CDH13: variants seen among roughly 807,000 people sequenced by gnomAD.
CDH13 encodes the protein cadherin-13.
Under a neutral mutation model 63.8 loss-of-function variants are expected in CDH13, and 24 were observed. The observed-to-expected ratio is 0.38, with a 90% CI of 0.27 to 0.53. CDH13 has a LOEUF of 0.53. Among genes scored for constraint, CDH13 ranks in the 20% least tolerant of loss-of-function variants. CDH13 has a pLI of 0.85. For missense variants in CDH13, 1,049 were observed against 903.1 expected (o/e 1.16, Z -2.07); for synonymous variants, 503 against 355.3 (o/e 1.42, Z -4.67).
intron 1 of CDH13, among the ~76,000 whole-genome samples, chr16:82,848,902 A>C (rs796149355): frequency 6.6e-6 from 1 of 152,228 alleles, no homozygotes; most frequent in African/African-American, 2.4e-5. Flanking sequence ...TTCTTGTGCC[A>C]AAGAGTAAAG....
chr16:83,236,846 G>A (rs1171018674), intron 5 of CDH13, among the ~76,000 whole-genome samples: 4 of 152,134 alleles, frequency 2.6e-5, no homozygotes, highest in Non-Finnish European at 4.4e-5. Flanking sequence ...ATAGGTCTGG[G>A]TTTCCCTTTG....
At chr16:83,356,305 G>A (rs2091055782) in intron 6 of CDH13, among the ~76,000 whole-genome samples, 1 of 150,484 alleles carries the variant, frequency 6.6e-6, no homozygotes, top group South Asian at 2.1e-4. Context: ...ACCTTCCTTA[G>A]TCATTTTATA....
chr16:83,443,925 C>A (rs2072579728), intron 6 of CDH13, among the ~76,000 whole-genome samples: 1 of 144,632 alleles, frequency 6.9e-6, no homozygotes, highest in Non-Finnish European at 1.5e-5. Flanking sequence ...ACAGAGGAAA[C>A]CGTTTCTAAA....
intron 1 of CDH13, among the ~76,000 whole-genome samples, chr16:82,849,456 C>G (rs1052808873): frequency 1.3e-5 from 2 of 152,126 alleles, no homozygotes; most frequent in Non-Finnish European, 2.9e-5. Context: ...GAGCTGAGAT[C>G]ACACCACTGC....
chr16:83,784,856 T>G (rs981418949), intron 13 of CDH13, among the ~76,000 whole-genome samples: 4 of 152,128 alleles, frequency 2.6e-5, no homozygotes, highest in African/African-American at 7.2e-5. Flanking sequence ...TCCAACACTT[T>G]CCATCCATCC....
intron 1 of CDH13, among the ~76,000 whole-genome samples, chr16:82,855,495 G>C (rs1362365271): frequency 6.6e-6 from 1 of 152,176 alleles, no homozygotes; most frequent in Non-Finnish European, 1.5e-5. Context: ...GGAGACCCTT[G>C]ACCATTTGCT....
In CDH13 at chr16:83,031,232, A is replaced by G. The variant is rs564534871; in HGVS notation, c.158-778A>G. Among the ~76,000 whole-genome samples, 111 of 146,126 alleles carry G rather than the reference A, an allele frequency of 7.6e-4. 1 individual carries two copies. Among genetic ancestry groups the G allele is most frequent in the African/African-American group, 2.7e-3 (107 of 39,780 alleles). On this transcript the variant is annotated intron_variant, in intron 2 of 13. Coordinates refer to ENST00000567109, the MANE Select transcript of CDH13 (RefSeq NM_001257.5). ...ATACACCATATACATGCGCATGTATACACCATATACATGCGCATGTATACA... is the reference window on the plus strand; with the variant it reads ...ATACACCATATACATGCGCATGTATGCACCATATACATGCGCATGTATACA...
intron 6 of CDH13, among the ~76,000 whole-genome samples, chr16:83,360,069 T>C (rs1380775422): frequency 3.3e-5 from 5 of 152,242 alleles, no homozygotes; most frequent in Non-Finnish European, 7.3e-5. Context: ...ACTTAGCGTG[T>C]TGTTCAGGTT....
chr16:83,176,237 C>T (rs1442536416), intron 4 of CDH13, among the ~76,000 whole-genome samples: 1 of 151,326 alleles, frequency 6.6e-6, no homozygotes, highest in Admixed American at 6.6e-5. Flanking sequence ...TGTGGCTACG[C>T]TTGGTGGCTC....
Position 83,514,324 on chromosome 16 carries a change from G to A in CDH13, c.960+27669G>A, listed in dbSNP as rs546368082. On this transcript the variant is annotated intron_variant, in intron 7 of 13. Coordinates refer to ENST00000567109, the MANE Select transcript of CDH13 (RefSeq NM_001257.5). ...TATGCTGGATTAGGGTAGGCCCTAC[G>A]TCCAGTATGCCTTGGAGTATCCTCA... Among the ~76,000 whole-genome samples the A allele has an allele frequency of 7.6e-4, 115 of 152,288 alleles. 1 individual carries two copies. Among genetic ancestry groups the A allele is most frequent in the African/African-American group, 2.3e-3 (97 of 41,568 alleles).
chr16:82,906,157 T>C (rs144114799), intron 2 of CDH13, among the ~76,000 whole-genome samples: 38 of 152,314 alleles, frequency 2.5e-4, no homozygotes, highest in African/African-American at 8.2e-4. Context: ...TCTGACACTA[T>C]ATTTTCTTAA....
At chr16:83,760,431 A>C in intron 11 of CDH13, among the ~76,000 whole-genome samples, 1 of 152,236 alleles carries the variant, frequency 6.6e-6, no homozygotes. Context: ...CCAAAGTTGG[A>C]AATTATCCAG....
At chr16:83,682,135 G>C (rs922446739) in intron 10 of CDH13, among the ~76,000 whole-genome samples, 1 of 152,222 alleles carries the variant, frequency 6.6e-6, no homozygotes, top group Non-Finnish European at 1.5e-5. Context: ...AAGAAGTGCA[G>C]CATAGAGTAA....
At chr16:82,911,568 T>A (rs1299630289) in intron 2 of CDH13, among the ~76,000 whole-genome samples, 4 of 152,262 alleles carry the variant, frequency 2.6e-5, no homozygotes, top group African/African-American at 4.8e-5. Flanking sequence ...GGGATGGTAA[T>A]AGAGCCTATC....
At chr16:83,398,044 A>G (rs1173071990) in intron 6 of CDH13, 3 of 152,208 alleles carry the variant, frequency 2.0e-5, no homozygotes, top group East Asian at 1.9e-4. Flanking sequence ...GCCAGCCACA[A>G]TTCAATTACT....
intron 6 of CDH13, among the ~76,000 whole-genome samples, chr16:83,464,200 C>A (rs930126427): frequency 6.6e-6 from 1 of 151,026 alleles, no homozygotes; most frequent in African/African-American, 2.5e-5. Context: ...TCTGGGATTA[C>A]AGGCACACAC....
At chr16:83,270,206 A>T (rs2088760121) in intron 5 of CDH13, among the ~76,000 whole-genome samples, 1 of 152,206 alleles carries the variant, frequency 6.6e-6, no homozygotes, top group Non-Finnish European at 1.5e-5. Flanking sequence ...GCAGCTTGTA[A>T]TTAAAACAGT....
intron 8 of CDH13, among the ~76,000 whole-genome samples, chr16:83,662,528 G>A (rs776533899): frequency 9.2e-5 from 14 of 152,172 alleles, no homozygotes; most frequent in African/African-American, 2.7e-4. Flanking sequence ...TCCAAACAGT[G>A]CAGAATCGGG....
intron 7 of CDH13, among the ~76,000 whole-genome samples, chr16:83,516,148 C>G (rs976140803): frequency 1.3e-5 from 2 of 152,206 alleles, no homozygotes; most frequent in African/African-American, 4.8e-5. Flanking sequence ...TCAGATAGCT[C>G]ATGGCATTTG....
Sources: gnomAD v4.1 joint callset for allele counts (sites outside exome capture counted in the v4.1 genomes callset) on GRCh38, gnomAD v4.1.1 for gene constraint, MANE v1.5 for transcripts, NCBI Gene and HGNC (gene_info 2026-07-23, HGNC 2026-07-21) for gene names.